The following DLGAP2 variants were observed in gnomAD, a reference collection of about 807,000 sequenced individuals.
DLGAP2 encodes DLG associated protein 2, also known as disks large-associated protein 2.
DLGAP2 carries 26 observed loss-of-function variants against 100.3 expected under a neutral mutation model. The observed-to-expected ratio is 0.26, with a 90% confidence interval of 0.19 to 0.36. The LOEUF (loss-of-function observed/expected upper bound fraction) is 0.36, where lower values mean the gene tolerates loss of function less well. Among genes scored for constraint, DLGAP2 ranks in the 10% least tolerant of loss-of-function variants. The pLI is 1.00. For missense variants in DLGAP2, 1,858 were observed against 1,453.2 expected (o/e 1.28, Z -4.53); for synonymous variants, 886 against 630.1 (o/e 1.41, Z -6.08).
intron 6 of DLGAP2, among the ~76,000 whole-genome samples, chr8:1,583,138 C>G (rs914761783): frequency 4.6e-5 from 7 of 152,078 alleles, no homozygotes; most frequent in Non-Finnish European, 1.5e-5. Flanking sequence ...TATTCTTGTA[C>G]GGGAAGAGAA....
At chr8:944,518 T>G (rs1349404493) in intron 2 of DLGAP2, among the ~76,000 whole-genome samples, 1 of 151,332 alleles carries the variant, frequency 6.6e-6, no homozygotes, top group African/African-American at 2.4e-5. Context: ...AACCAGTCCA[T>G]GTGGGTGATC....
At chr8:1,341,476 A>G (rs952188496) in intron 3 of DLGAP2, among the ~76,000 whole-genome samples, 1 of 152,220 alleles carries the variant, frequency 6.6e-6, no homozygotes, top group African/African-American at 2.4e-5. Context: ...AGGCGTATTT[A>G]ATGGAATACC....
At chr8:1,202,987 G>A (rs1478914322) in intron 2 of DLGAP2, among the ~76,000 whole-genome samples, 1 of 152,164 alleles carries the variant, frequency 6.6e-6, no homozygotes, top group Non-Finnish European at 1.5e-5. Flanking sequence ...GTACTCCGGT[G>A]ATTGCAGAGT....
chr8:1,416,364 C>T (rs10110363), intron 3 of DLGAP2, among the ~76,000 whole-genome samples: 4 of 152,150 alleles, frequency 2.6e-5, no homozygotes, highest in South Asian at 4.1e-4. Flanking sequence ...TGCCTGGTCA[C>T]TTGAGGGAGG....
chr8:1,281,087 T>C (rs560590455), intron 3 of DLGAP2, among the ~76,000 whole-genome samples: 1 of 152,334 alleles, frequency 6.6e-6, no homozygotes, highest in Non-Finnish European at 1.5e-5. Flanking sequence ...GCTGTAGGTT[T>C]CAATGAGATT....
At chr8:1,022,561 C>T (rs558318249) in intron 2 of DLGAP2, among the ~76,000 whole-genome samples, 4 of 146,034 alleles carry the variant, frequency 2.7e-5, no homozygotes, top group South Asian at 2.2e-4. Context: ...GGTCACGTGC[C>T]GAGGTAGACA....
intron 2 of DLGAP2, among the ~76,000 whole-genome samples, chr8:1,044,840 G>A (rs1446044290): frequency 2.0e-5 from 3 of 152,120 alleles, no homozygotes; most frequent in African/African-American, 2.4e-5. Flanking sequence ...ACCCACCCAC[G>A]TGCTTCCTCA....
At chr8:1,545,328 T>C (rs535272732) in intron 4 of DLGAP2, among the ~76,000 whole-genome samples, 1 of 152,352 alleles carries the variant, frequency 6.6e-6, no homozygotes, top group South Asian at 2.1e-4. Context: ...ATTTTTATTG[T>C]TATACTTACA....
intron 3 of DLGAP2, among the ~76,000 whole-genome samples, chr8:1,318,778 G>GCCCCC (rs34614425): frequency 9.5e-6 from 1 of 105,572 alleles, no homozygotes; most frequent in African/African-American, 4.3e-5. Context: ...TCAGTGATCA[G>GCCCCC]CCCCCCCCCC....
intron 3 of DLGAP2, among the ~76,000 whole-genome samples, chr8:1,336,276 G>A (rs1438136051): frequency 2.0e-5 from 3 of 152,240 alleles, no homozygotes; most frequent in Non-Finnish European, 4.4e-5. Context: ...AAACAGTCAA[G>A]CAACTCTGAG....
At chr8:1,660,246 C>A (rs766793481) in intron 8 of DLGAP2, among the ~76,000 whole-genome samples, 29 of 152,250 alleles carry the variant, frequency 1.9e-4, no homozygotes, top group Admixed American at 5.2e-4. Flanking sequence ...TGTGTGTAAC[C>A]TGACCTTTCT....
chr8:1,054,564 G>T (rs1046405956), intron 2 of DLGAP2, among the ~76,000 whole-genome samples: 1 of 152,026 alleles, frequency 6.6e-6, no homozygotes, highest in African/African-American at 2.4e-5. Context: ...TTTCTATGGC[G>T]TTCATTATTA....
intron 2 of DLGAP2, among the ~76,000 whole-genome samples, chr8:964,555 A>G (rs1354358502): frequency 1.3e-5 from 2 of 152,256 alleles, no homozygotes; most frequent in Non-Finnish European, 2.9e-5. Context: ...TCCTTGGGAA[A>G]TGTTGCTGGT....
At chr8:1,282,486 A>G (rs1799837551) in intron 3 of DLGAP2, among the ~76,000 whole-genome samples, 1 of 118,586 alleles carries the variant, frequency 8.4e-6, no homozygotes, top group African/African-American at 3.1e-5. Context: ...TGTGACCTGA[A>G]CCCAGCACGT....
chr8:771,468 C>G (rs1237242332), intron 1 of DLGAP2, among the ~76,000 whole-genome samples: 3 of 152,232 alleles, frequency 2.0e-5, no homozygotes, highest in Non-Finnish European at 4.4e-5. Context: ...TGGGCCTGCA[C>G]TAGCCGGGTC....
At chr8:1,479,314 G>T (rs1209703178) in intron 3 of DLGAP2, among the ~76,000 whole-genome samples, 1 of 152,248 alleles carries the variant, frequency 6.6e-6, no homozygotes, top group Non-Finnish European at 1.5e-5. Context: ...CTGGGCGCAG[G>T]GATGATTAGC....
At chr8:1,679,441 G>C (rs761080037) in intron 12 of DLGAP2, among the ~76,000 whole-genome samples, 10 of 110,300 alleles carry the variant, frequency 9.1e-5, no homozygotes, top group Admixed American at 9.5e-5. Flanking sequence ...ATTCCTCTAC[G>C]GGAGTCACCA....
At chr8:750,903 G>A (rs565488956) in intron 1 of DLGAP2, among the ~76,000 whole-genome samples, 36 of 152,334 alleles carry the variant, frequency 2.4e-4, no homozygotes, top group Middle Eastern at 3.4e-3. Context: ...GACCTGTTCC[G>A]AAATATTTGT....
At chr8:1,575,226 G>T (rs751286754) in intron 6 of DLGAP2, among the ~76,000 whole-genome samples, 18 of 152,260 alleles carry the variant, frequency 1.2e-4, no homozygotes, top group Non-Finnish European at 4.4e-5. Context: ...GAGCAGTGCT[G>T]TGGCAAACGT....
Sources: allele counts gnomAD v4.1 joint callset (sites outside exome capture counted in the v4.1 genomes callset), GRCh38; gene constraint gnomAD v4.1.1; transcripts MANE v1.5; gene names NCBI Gene and HGNC (gene_info 2026-07-23, HGNC 2026-07-21).